MSTO1: variants seen among roughly 807,000 people sequenced by gnomAD.
MSTO1 encodes the protein misato mitochondrial distribution and morphology regulator 1.
Under a neutral mutation model 55.7 loss-of-function variants are expected in MSTO1, and 24 were observed. That is an observed-to-expected ratio of 0.43 (90% CI 0.31 to 0.61). The LOEUF is 0.61. MSTO1 is among the 20% of genes least tolerant of loss of function. The pLI is 0.09. For missense variants in MSTO1, 363 were observed against 625.7 expected, an observed-to-expected ratio of 0.58 and a Z score of 4.48; for synonymous variants, 162 against 252.8, an observed-to-expected ratio of 0.64 and a Z score of 3.41.
chr1:155,578,490 C>T, the MSTO1 span, among the ~76,000 whole-genome samples: 1 of 149,010 alleles, frequency 6.7e-6, no homozygotes, highest in Non-Finnish European at 1.5e-5. Context: ...AGGCATGCGC[C>T]ACCACGCCCG....
chr1:155,613,375 A>G (rs1674776335), intron 11 of MSTO1, 87 bp from the exon 12 acceptor site: 1 of 1,591,660 alleles, frequency 6.3e-7, no homozygotes, highest in South Asian at 1.1e-5. Flanking sequence ...GAATATCTTG[A>G]TCCAGCTGAT....
At chr1:155,602,002 C>T in the MSTO1 span, 1 of 455,086 alleles carries the variant, frequency 2.2e-6, no homozygotes, top group East Asian at 5.6e-5. Context: ...GATCCGCCCA[C>T]CTCAGCCTCC....
chr1:155,608,959 G>A (rs1673153765), upstream of MSTO1, among the ~76,000 whole-genome samples: 1 of 147,294 alleles, frequency 6.8e-6, no homozygotes, highest in Non-Finnish European at 1.5e-5. Flanking sequence ...GAGCAGCTGG[G>A]AGTACAAGGG....
chr1:155,599,824 G>T, the MSTO1 span, among the ~76,000 whole-genome samples: 2 of 151,986 alleles, frequency 1.3e-5, no homozygotes, highest in Non-Finnish European at 2.9e-5. Context: ...TCATAGACAA[G>T]GTAAAGGATT....
chr1:155,588,786 C>T, the MSTO1 span, among the ~76,000 whole-genome samples: 1 of 152,038 alleles, frequency 6.6e-6, no homozygotes, highest in South Asian at 2.1e-4. Context: ...AGAACTGAGC[C>T]AGAAAGACTT....
At chr1:155,587,909 TAACA>T in the MSTO1 span, among the ~76,000 whole-genome samples, 1 of 150,838 alleles carries the variant, frequency 6.6e-6, no homozygotes, top group Non-Finnish European at 1.5e-5. Context: ...GTATCGAAAA[TAACA>T]ACTAGTTGCC....
At chr1:155,599,883 A>G in the MSTO1 span, among the ~76,000 whole-genome samples, 1 of 152,254 alleles carries the variant, frequency 6.6e-6, no homozygotes, top group Non-Finnish European at 1.5e-5. Context: ...TCAATGCTTT[A>G]CAAAGCAGTA....
chr1:155,611,527 C>G, intron 4 of MSTO1, 22 bp from the exon 5 acceptor site: 1 of 1,612,886 alleles, frequency 6.2e-7, no homozygotes, highest in South Asian at 1.1e-5. Flanking sequence ...AACTAAATGT[C>G]GATTTTTCTG....
the MSTO1 span, among the ~76,000 whole-genome samples, chr1:155,569,001 C>T: frequency 6.6e-6 from 1 of 151,826 alleles, no homozygotes; most frequent in African/African-American, 2.4e-5. Flanking sequence ...ATTCCAGGCA[C>T]CCACCACCAT....
the MSTO1 span, among the ~76,000 whole-genome samples, chr1:155,572,496 G>A: frequency 1.3e-5 from 2 of 152,062 alleles, no homozygotes; most frequent in African/African-American, 2.4e-5. Flanking sequence ...GGTGGATCAC[G>A]AAGTCAGGAG....
upstream of MSTO1, among the ~76,000 whole-genome samples, chr1:155,609,236 TA>T (rs1286068467): frequency 0.047 from 2,495 of 52,924 alleles, 64 homozygotes; most frequent in Non-Finnish European, 0.064. Flanking sequence ...TATATATATA[TA>T]TATATATTTT....
chr1:155,612,393 A>T lies in MSTO1; in HGVS notation c.814-25A>T, dbSNP rs540817237. On this transcript the variant is annotated intron_variant, in intron 8 of 13. Coordinates refer to ENST00000245564, the MANE Select transcript of MSTO1 (RefSeq NM_018116.4). ...AGAATCCCAGTGGGAGAGCTGCTTAATACAAACTACTCTTTCTTCACCAGG... is the reference window on the plus strand; with the variant it reads ...AGAATCCCAGTGGGAGAGCTGCTTATTACAAACTACTCTTTCTTCACCAGG... 1.2e-4 allele frequency: 194 copies of T among 1,601,616 alleles called. No homozygotes were observed. The South Asian group carries it at 1.7e-3, about 14-fold the overall frequency.
At chr1:155,603,476 A>T in the MSTO1 span, among the ~76,000 whole-genome samples, 1 of 152,350 alleles carries the variant, frequency 6.6e-6, no homozygotes, top group African/African-American at 2.4e-5. Flanking sequence ...ATACTTCAGT[A>T]ATTGGTAAAA....
At chr1:155,572,541 G>A in the MSTO1 span, among the ~76,000 whole-genome samples, 3,895 of 152,100 alleles carry the variant, frequency 0.026, 172 homozygotes, top group African/African-American at 0.09. Context: ...GTGAAACCCC[G>A]TCTCTACTAA....
At position 155,610,573 on chromosome 1, in the gene MSTO1, CAG is replaced by C. The variant is rs1429756305; in HGVS notation, c.220+16_220+17del. 3.6e-6 allele frequency: 3 copies of C among 824,018 alleles called. No homozygotes were observed. The highest frequency in any genetic ancestry group is 5.6e-6 in the Non-Finnish European group (3 of 537,832). The allele number at this position is 824,018 out of a possible 1,614,324, so 51.0% of individuals were successfully genotyped here. On this transcript the variant is annotated intron_variant, in intron 2 of 13. Transcript: ENST00000245564. ...ATGGATCTGAAGGGTGAGGTGGTGG[CAG>C]AGTTAGCCGATGCCCCTTATTTCCC...
the MSTO1 span, among the ~76,000 whole-genome samples, chr1:155,592,453 G>C: frequency 6.6e-6 from 1 of 152,210 alleles, no homozygotes; most frequent in East Asian, 1.9e-4. Context: ...GAAGTGTAGA[G>C]AATGATTTGG....
the MSTO1 span, among the ~76,000 whole-genome samples, chr1:155,594,872 C>T: frequency 6.6e-6 from 1 of 152,138 alleles, no homozygotes; most frequent in Non-Finnish European, 1.5e-5. Flanking sequence ...GTGGGTGGCT[C>T]ATGCCTGTAA....
intron 4 of MSTO1, 47 bp from the exon 5 acceptor site, chr1:155,611,502 C>T: frequency 1.2e-6 from 2 of 1,613,740 alleles, no homozygotes; most frequent in Non-Finnish European, 1.7e-6. Context: ...CAACCTTTGC[C>T]TCTAAACTGC....
the MSTO1 span, among the ~76,000 whole-genome samples, chr1:155,582,198 A>C: frequency 6.6e-6 from 1 of 151,980 alleles, no homozygotes; most frequent in Non-Finnish European, 1.5e-5. Context: ...GCCAACCATC[A>C]GTCATTTCTC....
Sources: gnomAD v4.1 joint callset for allele counts (sites outside exome capture counted in the v4.1 genomes callset) on GRCh38, gnomAD v4.1.1 for gene constraint, MANE v1.5 for transcripts, NCBI Gene and HGNC (gene_info 2026-07-23, HGNC 2026-07-21) for gene names.